The following COL21A1 variants were observed in gnomAD, a reference collection of about 807,000 sequenced individuals.
COL21A1 encodes the protein collagen alpha-1(XXI) chain.
In COL21A1, 149 loss-of-function variants were observed where a neutral mutation model predicts 137.9. The observed-to-expected ratio is 1.08, with a 90% CI of 0.95 to 1.24. The LOEUF (loss-of-function observed/expected upper bound fraction) is 1.24, where lower values mean the gene tolerates loss of function less well. Among genes scored for constraint, COL21A1 ranks in the 50% most tolerant of loss-of-function variants. The pLI is 0.00. For missense variants in COL21A1, 1,167 were observed against 1,158.4 expected, an observed-to-expected ratio of 1.01 and a Z score of -0.11; for synonymous variants, 456 against 391.5, an observed-to-expected ratio of 1.16 and a Z score of -1.95.
At chr6:56,188,664 T>A (rs934855231) in intron 1 of COL21A1, among the ~76,000 whole-genome samples, 2 of 152,080 alleles carry the variant, frequency 1.3e-5, no homozygotes, top group African/African-American at 4.8e-5. Context: ...CTCACGTGGG[T>A]CCCTGACGCC....
At position 56,141,795 on chromosome 6, in the gene COL21A1, T is replaced by A; in HGVS notation, c.1532A>T (p.Asp511Val). The A allele has an allele frequency of 1.2e-6, 2 of 1,613,736 alleles. No individual in the cohort carries two copies. The highest frequency in any genetic ancestry group is 1.7e-6 in the Non-Finnish European group (2 of 1,179,730). Residue 511 changes from aspartate (D) to valine (V), a missense_variant, in exon 12 of 30, where the codon GAT becomes GTT. By Grantham distance (152) the Asp-to-Val change is radical. Coordinates refer to ENST00000244728, the MANE Select transcript of COL21A1 (RefSeq NM_030820.4). ...LPGYKGEPGR[D>V]GDKGDRGLPG... ...TTTGTGTGTGTTTACCTTGTCACCATCTCGCCCTGGTTCTCCTTTGTAACC... is the reference window on the plus strand; with the variant it reads ...TTTGTGTGTGTTTACCTTGTCACCAACTCGCCCTGGTTCTCCTTTGTAACC...
intron 1 of COL21A1, among the ~76,000 whole-genome samples, chr6:56,257,711 ATAAAACT>A (rs1763136866): frequency 6.6e-6 from 1 of 152,206 alleles, no homozygotes; most frequent in Non-Finnish European, 1.5e-5. Flanking sequence ...CCATATTCCA[ATAAAACT>A]TTATTAATGA....
At chr6:56,298,607 G>A (rs1027204408) in intron 1 of COL21A1, among the ~76,000 whole-genome samples, 4 of 152,070 alleles carry the variant, frequency 2.6e-5, no homozygotes, top group Admixed American at 6.6e-5. Context: ...GGTCTAAAGA[G>A]TTGGTGGCAA....
At chr6:56,238,949 T>G (rs62411870) in intron 1 of COL21A1, among the ~76,000 whole-genome samples, 11,133 of 152,256 alleles carry the variant, frequency 0.073, 460 homozygotes, top group Middle Eastern at 0.13. Context: ...ATTTAAACCT[T>G]CTGACCATAC....
intron 1 of COL21A1, among the ~76,000 whole-genome samples, chr6:56,236,588 C>A (rs1332356531): frequency 6.6e-6 from 1 of 152,040 alleles, no homozygotes; most frequent in African/African-American, 2.4e-5. Flanking sequence ...GGGTCAAGCC[C>A]CATCTCCTCC....
intron 1 of COL21A1, among the ~76,000 whole-genome samples, chr6:56,260,696 G>GAAGGAAGGAAGT (rs1171498184): frequency 8.8e-5 from 4 of 45,664 alleles, no homozygotes; most frequent in Non-Finnish European, 1.3e-4. Flanking sequence ...AGGAAGGCAG[G>GAAGGAAGGAAGT]CAGGCAGGCA....
At chr6:56,364,596 A>G (rs1028792737) in intron 1 of COL21A1, among the ~76,000 whole-genome samples, 3 of 152,128 alleles carry the variant, frequency 2.0e-5, no homozygotes, top group Admixed American at 6.5e-5. Context: ...TGCTTTTCCC[A>G]TCACAAGCCT....
At chr6:56,080,718 C>T (rs1039960264) in intron 17 of COL21A1, among the ~76,000 whole-genome samples, 6 of 151,854 alleles carry the variant, frequency 4.0e-5, no homozygotes, top group African/African-American at 1.4e-4. Context: ...ATCTACCTTT[C>T]TACACAATGG....
At chr6:56,211,723 G>A (rs1008025664) in intron 1 of COL21A1, among the ~76,000 whole-genome samples, 1 of 151,920 alleles carries the variant, frequency 6.6e-6, no homozygotes, top group East Asian at 1.9e-4. Context: ...TTAAACAAAC[G>A]CTATTTCACT....
rs763412541 is a variant in COL21A1 at position 56,060,908 on chromosome 6, CT to C, written c.2334del (p.Gly779ValfsTer22). On this transcript the variant is annotated frameshift_variant, in exon 26 of 30. Transcript: ENST00000244728. LOFTEE classifies it high-confidence loss of function. ...QPGDPGPQGP[P>X]GLDGKPGREF... ...ATACATACGGGCTTCCCATCCAAACCTGGGGGTCCCTGAGGACCTGGATCCC... is the reference window on the plus strand; with the variant it reads ...ATACATACGGGCTTCCCATCCAAACCGGGGGTCCCTGAGGACCTGGATCCC... 6.3e-7 allele frequency: 1 copy of C among 1,577,300 alleles called. No homozygotes were observed. Among genetic ancestry groups the C allele is most frequent in the South Asian group, 1.2e-5 (1 of 85,360 alleles).
chr6:56,096,407 A>G (rs984625303), intron 17 of COL21A1, among the ~76,000 whole-genome samples: 2 of 152,216 alleles, frequency 1.3e-5, no homozygotes, highest in Non-Finnish European at 2.9e-5. Flanking sequence ...AAAGAATATA[A>G]TCTTTAAACA....
chr6:56,200,559 T>G (rs2152297457), intron 1 of COL21A1, among the ~76,000 whole-genome samples: 1 of 149,868 alleles, frequency 6.7e-6, no homozygotes. Context: ...CAGTGTTTGG[T>G]TTTTTGTCCT....
Position 56,125,585 on chromosome 6 carries a change from A to G in COL21A1, c.1632T>C (p.Pro544=), listed in dbSNP as rs1772985929. 2.5e-6 allele frequency: 4 copies of G among 1,601,874 alleles called. No homozygotes were observed. The South Asian group carries it at 3.4e-5, about 13-fold the overall frequency. The change falls in exon 14 of 30, where the codon CCT becomes CCC. Residue 544 remains proline, a synonymous_variant. Transcript: ENST00000244728. The part of the protein sequence containing the change: ...EMGAKGDKGS[P]GFYGKKGAKG... Reference sequence around the variant, plus strand: ...TACTTCCCTTTTTGCCATAAAATCCAGGTGATCCTTTGTCTCCTTTGGCAC... The same window carrying G: ...TACTTCCCTTTTTGCCATAAAATCCGGGTGATCCTTTGTCTCCTTTGGCAC...
At chr6:56,219,322 C>A (rs1422397425) in intron 1 of COL21A1, among the ~76,000 whole-genome samples, 1 of 149,686 alleles carries the variant, frequency 6.7e-6, no homozygotes, top group East Asian at 2.0e-4. Flanking sequence ...GAAACCATTA[C>A]ATCTGAGAAG....
chr6:56,140,897 T>C (rs1925174), intron 12 of COL21A1, among the ~76,000 whole-genome samples: 85,628 of 152,048 alleles, frequency 0.56, 24,420 homozygotes, highest in East Asian at 0.79. Flanking sequence ...ATGTATGACA[T>C]TGTAAAATTC....
At position 56,171,008 on chromosome 6, in the gene COL21A1, A is replaced by G; in HGVS notation, c.761T>C (p.Ile254Thr). 6.2e-7 allele frequency: 1 copy of G among 1,607,610 alleles called. No homozygotes were observed. The highest frequency in any genetic ancestry group is 8.5e-7 in the Non-Finnish European group (1 of 1,177,486). The stretch of plus-strand genomic sequence containing the variant: ...TTTTGATGTTACTTCATATCCTTTT[A>G]TCTTTTTTGGTGAAAGCTGTATTCT... ...KKRIQLSPKKIKGYEVTSKVD... is the reference protein window; with the variant it reads ...KKRIQLSPKKTKGYEVTSKVD... The change falls in exon 4 of 30, where the codon ATA (isoleucine) becomes ACA (threonine). Residue 254 changes from isoleucine (I) to threonine (T), a missense_variant. Ile to Thr is a moderately conservative substitution (Grantham distance 89). Transcript: ENST00000244728.
At chr6:56,163,210 A>G (rs1458859886) in intron 9 of COL21A1, among the ~76,000 whole-genome samples, 5 of 152,254 alleles carry the variant, frequency 3.3e-5, no homozygotes, top group South Asian at 2.1e-4. Context: ...GGTCGCTTCA[A>G]GTAAGAGGTG....
chr6:56,177,719 G>C (rs577619169), intron 3 of COL21A1, among the ~76,000 whole-genome samples: 78 of 150,936 alleles, frequency 5.2e-4, no homozygotes, highest in Non-Finnish European at 1.9e-4. Flanking sequence ...ATGAACCCGG[G>C]AGGCGGAGCT....
At chr6:56,225,566 G>C (rs149617695) in intron 1 of COL21A1, among the ~76,000 whole-genome samples, 77 of 152,114 alleles carry the variant, frequency 5.1e-4, no homozygotes, top group African/African-American at 1.8e-3. Flanking sequence ...CAAATTTTCA[G>C]CTTGTTCCTG....
Sources: allele counts gnomAD v4.1 joint callset (sites outside exome capture counted in the v4.1 genomes callset), GRCh38; gene constraint gnomAD v4.1.1; transcripts MANE v1.5; gene names NCBI Gene and HGNC (gene_info 2026-07-23, HGNC 2026-07-21).